Variants in RAD54L observed in about 807,000 individuals in gnomAD.
RAD54L encodes the protein DNA repair and recombination protein RAD54-like.
A neutral mutation model predicts 91.6 loss-of-function variants in RAD54L; 74 were observed. That is an observed-to-expected ratio of 0.81 (90% CI 0.67 to 0.98). The LOEUF (loss-of-function observed/expected upper bound fraction) is 0.98, where lower values mean the gene tolerates loss of function less well. Among genes scored for constraint, RAD54L ranks in the 50% least tolerant of loss-of-function variants. RAD54L has a pLI of 0.00. For missense variants in RAD54L, 887 were observed against 945.7 expected, an observed-to-expected ratio of 0.94 and a Z score of 0.81; for synonymous variants, 304 against 349.7, an observed-to-expected ratio of 0.87 and a Z score of 1.46.
chr1:46,268,634 TATGTATTCCTTTAC>T (rs1660332561), intron 9 of RAD54L, among the ~76,000 whole-genome samples: 1 of 152,276 alleles, frequency 6.6e-6, no homozygotes, highest in Admixed American at 6.5e-5. Context: ...AATCATATAG[TATGTATTCCTTTAC>T]ATCTGGTTTC....
intron 3 of RAD54L, among the ~76,000 whole-genome samples, chr1:46,252,734 T>C (rs1557698301): frequency 6.6e-6 from 1 of 152,078 alleles, no homozygotes; most frequent in Non-Finnish European, 1.5e-5. Flanking sequence ...TCTCTTTTAA[T>C]AGCAAAGTTA....
intron 9 of RAD54L, 33 bp from the exon 10 acceptor site, chr1:46,270,626 C>T (rs1660394944): frequency 1.2e-6 from 2 of 1,612,216 alleles, no homozygotes; most frequent in African/African-American, 1.3e-5. Context: ...TCCTTTTCCA[C>T]ATTCTTCTGT....
chr1:46,273,622 A>G lies in RAD54L; in HGVS notation c.1487-2A>G. 6.2e-7 allele frequency: 1 copy of G among 1,613,364 alleles called. No homozygotes were observed. The highest frequency in any genetic ancestry group is 8.5e-7 in the Non-Finnish European group (1 of 1,179,988). ...GGGACTGCTGGTTGCTGCTCTTCCCAGGTAAGATGCTGGTCCTGGATTATA... is the reference window on the plus strand; with the variant it reads ...GGGACTGCTGGTTGCTGCTCTTCCCGGGTAAGATGCTGGTCCTGGATTATA... On this transcript the variant is annotated splice_acceptor_variant, in intron 13 of 17. Coordinates refer to ENST00000371975, the MANE Select transcript of RAD54L (RefSeq NM_003579.4). LOFTEE classifies it high-confidence loss of function.
intron 16 of RAD54L, chr1:46,277,466 A>C: frequency 2.7e-6 from 1 of 376,792 alleles, no homozygotes; most frequent in Non-Finnish European, 5.0e-6. Context: ...CTGGAATAGA[A>C]TAGATACCTA....
chr1:46,274,435 G>A (rs1296268316), intron 15 of RAD54L, 103 bp from the exon 16 acceptor site: 22 of 1,393,668 alleles, frequency 1.6e-5, no homozygotes, highest in Non-Finnish European at 2.0e-5. Context: ...TTCACAATTG[G>A]TACTGAGTAG....
chr1:46,247,731 C>G (rs1292395674), upstream of RAD54L: 2 of 158,080 alleles, frequency 1.3e-5, no homozygotes, highest in Non-Finnish European at 2.8e-5. Flanking sequence ...TCGATTGACC[C>G]GGTCTTGGCG....
At chr1:46,249,183 G>A (rs1659734503) in intron 2 of RAD54L, among the ~76,000 whole-genome samples, 1 of 152,214 alleles carries the variant, frequency 6.6e-6, no homozygotes, top group African/African-American at 2.4e-5. Flanking sequence ...AGTTCAAGAA[G>A]TGGGGGCTTG....
rs1014015374 is a variant in RAD54L at position 46,247,772 on chromosome 1, C to A, written c.-634C>A. 1 of 160,036 alleles carries A rather than the reference C, an allele frequency of 6.2e-6. No individual in the cohort carries two copies. The highest frequency in any genetic ancestry group is 1.4e-5 in the Non-Finnish European group (1 of 72,436). The allele number at this position is 160,036 out of a possible 1,614,324, so 9.9% of individuals were successfully genotyped here. A position where few individuals can be genotyped will look rare whatever the true frequency, so the allele number is the denominator to read the frequency against. On this transcript the variant is annotated 5_prime_UTR_variant, in exon 1 of 18. Coordinates refer to ENST00000371975, the MANE Select transcript of RAD54L (RefSeq NM_003579.4). ...GTGAGTCTTGGCGGCTGTTAACGCG[C>A]GCTTTGGGAACAGGAAGGTTGAGAG...
chr1:46,257,701 G>A (rs1291551015), intron 3 of RAD54L, among the ~76,000 whole-genome samples: 1 of 152,140 alleles, frequency 6.6e-6, no homozygotes, highest in Admixed American at 6.5e-5. Context: ...TCTCTCTCAT[G>A]TCCCTTTCTC....
rs1160595838 is a variant in RAD54L at position 46,263,440 on chromosome 1, CCAGTTGT to C, written c.891+2059_891+2065del. ...TGAAAGACTTGGCCCTATCTGTCAACCAGTTGTCAGGCTAGGCTCAGCTCTGGGTACT... is the reference window on the plus strand; with the variant it reads ...TGAAAGACTTGGCCCTATCTGTCAACCAGGCTAGGCTCAGCTCTGGGTACT... On this transcript the variant is annotated intron_variant, in intron 8 of 17. Transcript: ENST00000371975. The surrounding 1 kb of genome is among the most constrained non-coding windows in gnomAD (Gnocchi z 4.3). 6.6e-6 allele frequency among the ~76,000 whole-genome samples: 1 copy of C among 152,166 alleles called. No individual in the cohort carries two copies. The highest frequency in any genetic ancestry group is 1.5e-5 in the Non-Finnish European group (1 of 68,034).
chr1:46,259,430 T>C (rs1660034306), intron 4 of RAD54L, among the ~76,000 whole-genome samples: 1 of 152,096 alleles, frequency 6.6e-6, no homozygotes. Context: ...CTCAGAAGTT[T>C]GTAATTGAAT....
Position 46,270,588 on chromosome 1 carries a change from C to T in RAD54L, c.1043-71C>T, listed in dbSNP as rs1446589758. On this transcript the variant is annotated intron_variant, in intron 9 of 17. Coordinates refer to ENST00000371975, the MANE Select transcript of RAD54L (RefSeq NM_003579.4). ...GAAGGCTGGTTTGTGAGAAGGTAGT[C>T]TGCCATCACTAGCTGTGGGAAAATC... The T allele has an allele frequency of 4.4e-6, 7 of 1,595,148 alleles. No individual in the cohort carries two copies. In the African/African-American group the frequency reaches 5.4e-5, roughly 12 times the overall value.
rs371268995 is a variant in RAD54L at position 46,261,360 on chromosome 1, G to A, written c.866G>A (p.Ser289Asn). The change falls in exon 8 of 18, where the codon AGT (serine) becomes AAT (asparagine). Residue 289 changes from serine (S) to asparagine (N), a missense_variant. Transcript: ENST00000371975. The stretch of plus-strand genomic sequence containing the variant: ...CATGTTGGAGTCCTCCAGAAAGGAA[G>A]TGTTGGTCTGGTCATATGTGACGAG... Reference protein sequence around the residue: ...RLHVGVLQKGSVGLVICDEGH... With the variant: ...RLHVGVLQKGNVGLVICDEGH... 43 of 1,613,968 alleles carry A rather than the reference G, an allele frequency of 2.7e-5. No homozygotes were observed. The South Asian group carries it at 2.7e-4, about 10-fold the overall frequency.
chr1:46,277,661 C>A, intron 16 of RAD54L, 156 bp from the exon 17 acceptor site: 2 of 846,516 alleles, frequency 2.4e-6, no homozygotes, highest in Non-Finnish European at 1.9e-6. Context: ...GAAAATGGAC[C>A]TCAGCTGAGT....
In RAD54L at chr1:46,269,370, G is replaced by A. The variant is rs1569601350; in HGVS notation, c.1043-1289G>A. 2.0e-5 allele frequency among the ~76,000 whole-genome samples: 3 copies of A among 150,182 alleles called. No individual in the cohort carries two copies. In the South Asian group the frequency reaches 6.3e-4, roughly 32 times the overall value. The stretch of plus-strand genomic sequence containing the variant: ...GTCACCCAGGCTGGAATGCAGTGGT[G>A]AGATCATGGCTCACTGCAGCCTTAA... On this transcript the variant is annotated intron_variant, in intron 9 of 17. Coordinates refer to ENST00000371975, the MANE Select transcript of RAD54L (RefSeq NM_003579.4).
intron 10 of RAD54L, among the ~76,000 whole-genome samples, chr1:46,271,121 T>G (rs913987810): frequency 1.3e-5 from 2 of 152,198 alleles, no homozygotes; most frequent in African/African-American, 4.8e-5. Context: ...CCCGAAACAT[T>G]AGGCTTCTCT....
At chr1:46,249,905 G>C in intron 2 of RAD54L, 95 bp from the exon 3 acceptor site, 1 of 1,383,422 alleles carries the variant, frequency 7.2e-7, no homozygotes, top group Non-Finnish European at 1.0e-6. Flanking sequence ...ATTTAGCACA[G>C]TGCCTGGCAC....
intron 4 of RAD54L, 103 bp downstream of exon 4, chr1:46,258,849 G>C (rs1569576999): frequency 3.1e-6 from 3 of 977,760 alleles, no homozygotes; most frequent in Non-Finnish European, 3.2e-6. Flanking sequence ...GGGAATTGAA[G>C]GTGCCAGTCC....
chr1:46,251,230 T>C (rs1338782982), intron 3 of RAD54L, among the ~76,000 whole-genome samples: 1 of 151,932 alleles, frequency 6.6e-6, no homozygotes, highest in East Asian at 1.9e-4. Context: ...GAGAATCACT[T>C]GAACCCGGGA....
Sources: allele counts gnomAD v4.1 joint callset (sites outside exome capture counted in the v4.1 genomes callset), GRCh38; gene constraint gnomAD v4.1.1; non-coding constraint Gnocchi (gnomAD v3.1); transcripts MANE v1.5; gene names NCBI Gene and HGNC (gene_info 2026-07-23, HGNC 2026-07-21).